The following KYNU variants were observed in gnomAD, a reference collection of about 807,000 sequenced individuals.
The protein encoded by KYNU is L-kynurenine hydrolase.
KYNU carries 54 observed loss-of-function variants against 59.2 expected under a neutral mutation model. The ratio of observed to expected loss-of-function variants is 0.91; its 90% CI spans 0.73 to 1.14. The LOEUF is 1.14. Among genes scored for constraint, KYNU ranks in the 50% most tolerant of loss-of-function variants. The pLI is 0.00. For missense variants in KYNU, 567 were observed against 554.4 expected (o/e 1.02, Z -0.23); for synonymous variants, 177 against 192.0 (o/e 0.92, Z 0.65).
At position 143,051,595 on chromosome 2, in the gene KYNU, C is replaced by G. The variant is rs978171286; in HGVS notation, c.*9423C>G. The G allele has an allele frequency of 6.6e-6, 1 of 152,068 alleles. No individual in the cohort carries two copies. The highest frequency in any genetic ancestry group is 2.4e-5 in the African/African-American group (1 of 41,408). The allele number at this position is 152,068 out of a possible 1,614,324, so 9.4% of individuals were successfully genotyped here. A position where few individuals can be genotyped will look rare whatever the true frequency, so the allele number is the denominator to read the frequency against. ...AATTGAATCATGGGGGCAGGACTTT[C>G]CCATGATGTTCTCATGATAATGAAT... On this transcript the variant is annotated 3_prime_UTR_variant, in exon 14 of 14. Coordinates refer to ENST00000264170, the MANE Select transcript of KYNU (RefSeq NM_003937.3).
intron 4 of KYNU, among the ~76,000 whole-genome samples, chr2:142,941,668 A>AT (rs1413539637): frequency 6.6e-6 from 1 of 152,166 alleles, no homozygotes; most frequent in African/African-American, 2.4e-5. Context: ...AGCCACAGGA[A>AT]TTTAAGAGAT....
intron 10 of KYNU, among the ~76,000 whole-genome samples, chr2:142,987,361 C>T (rs1356985629): frequency 6.6e-6 from 1 of 151,866 alleles, no homozygotes. Flanking sequence ...TAGAGAATGT[C>T]AGTGTTCGGA....
chr2:142,938,311 G>A (rs914376129), intron 4 of KYNU, among the ~76,000 whole-genome samples: 15 of 152,100 alleles, frequency 9.9e-5, no homozygotes, highest in African/African-American at 3.4e-4. Context: ...AAATTTATCC[G>A]AGTATAATTG....
At chr2:142,912,369 TTC>T (rs1377996745) in intron 2 of KYNU, among the ~76,000 whole-genome samples, 197 of 136,010 alleles carry the variant, frequency 1.4e-3, no homozygotes, top group African/African-American at 5.2e-3. Context: ...TCTTTTGTAT[TTC>T]TTTTTTTTTT....
intron 10 of KYNU, chr2:142,989,029 A>G (rs1214761582): frequency 1.4e-6 from 1 of 694,042 alleles, no homozygotes; most frequent in Non-Finnish European, 2.5e-6. Flanking sequence ...CACCTGTGAG[A>G]AGAGTGATAA....
rs1163302368 is a variant in KYNU, at chr2:142,912,703, CTTTT to C, written c.170-5885_170-5882del. Among the ~76,000 whole-genome samples the C allele has an allele frequency of 1.0e-3, 74 of 71,860 alleles. 1 individual carries two copies. Among genetic ancestry groups the C allele is most frequent in the African/African-American group, 4.4e-3 (63 of 14,204 alleles). The allele number at this position is 71,860 out of a possible 152,430, so 47.1% of individuals were successfully genotyped here. A position where few individuals can be genotyped will look rare whatever the true frequency, so the allele number is the denominator to read the frequency against. On this transcript the variant is annotated intron_variant, in intron 2 of 13. Coordinates refer to ENST00000264170, the MANE Select transcript of KYNU (RefSeq NM_003937.3). The stretch of plus-strand genomic sequence containing the variant: ...TGGGATCTTTTGTATTTCTTTCTTC[CTTTT>C]TTTTTTTTTTTTTTTTTTTTGAGAT...
intron 4 of KYNU, among the ~76,000 whole-genome samples, chr2:142,952,668 G>A (rs1461088940): frequency 6.6e-6 from 1 of 151,892 alleles, no homozygotes; most frequent in Non-Finnish European, 1.5e-5. Flanking sequence ...TGAACACTTG[G>A]GTTCAAGCAT....
At chr2:142,956,019 T>G (rs532755391) in intron 5 of KYNU, among the ~76,000 whole-genome samples, 184 bp from the exon 6 acceptor site, 26 of 152,250 alleles carry the variant, frequency 1.7e-4, no homozygotes, top group African/African-American at 5.5e-4. Flanking sequence ...GCCAATATCT[T>G]CTTTCTCTTT....
chr2:142,892,216 A>T (rs1681740653), intron 2 of KYNU, among the ~76,000 whole-genome samples: 1 of 152,202 alleles, frequency 6.6e-6, no homozygotes, highest in Non-Finnish European at 1.5e-5. Flanking sequence ...CCTGGCCAAT[A>T]TTGGGAGCCT....
rs144815318 is a variant in KYNU, at chr2:142,911,936, G to A, written c.170-6673G>A. On this transcript the variant is annotated intron_variant, in intron 2 of 13. Coordinates refer to ENST00000264170, the MANE Select transcript of KYNU (RefSeq NM_003937.3). ...GAAATAACTTTTTCATGTGCTTCTG[G>A]ATTTGGTTTGCTAGTATTTTGTTGA... 7.6e-3 allele frequency among the ~76,000 whole-genome samples: 1,160 copies of A among 152,212 alleles called. 11 individuals carry two copies. Among genetic ancestry groups the A allele is most frequent in the African/African-American group, 0.027 (1,112 of 41,512 alleles).
At chr2:142,936,133 T>C (rs2105036697) in intron 4 of KYNU, among the ~76,000 whole-genome samples, 1 of 152,160 alleles carries the variant, frequency 6.6e-6, no homozygotes, top group African/African-American at 2.4e-5. Flanking sequence ...GTGATCTGGA[T>C]AGCAAGAATG....
At position 143,055,781 on chromosome 2, in the gene KYNU, TTCTC is replaced by T. The variant is rs926396237; in HGVS notation, c.*13613_*13616del. ...AAAACTGGGTGAATAATATGTGGAA[TTCTC>T]TCTATTTTTGTTAATGTTGGAAAAT... On this transcript the variant is annotated 3_prime_UTR_variant, in exon 14 of 14. Coordinates refer to ENST00000264170, the MANE Select transcript of KYNU (RefSeq NM_003937.3). The T allele has an allele frequency of 6.6e-6, 1 of 152,120 alleles. No individual in the cohort carries two copies. Among genetic ancestry groups the T allele is most frequent in the Admixed American group, 6.6e-5 (1 of 15,262 alleles). 9.4% of individuals were successfully genotyped at this position (152,120 alleles called of 1,614,324 possible).
intron 2 of KYNU, among the ~76,000 whole-genome samples, chr2:142,893,030 G>T (rs148693499): frequency 1.3e-5 from 2 of 152,290 alleles, no homozygotes; most frequent in Admixed American, 1.3e-4. Flanking sequence ...CTGCAAAGAA[G>T]ACTGAGTCTA....
intron 8 of KYNU, among the ~76,000 whole-genome samples, chr2:142,967,054 G>C (rs1359845016): frequency 6.6e-6 from 1 of 151,446 alleles, no homozygotes; most frequent in East Asian, 1.9e-4. Flanking sequence ...AAAAAGTTAA[G>C]AGATGGAACT....
Position 142,927,699 on chromosome 2 carries a change from A to G in KYNU, c.331A>G (p.Thr111Ala). The stretch of plus-strand genomic sequence containing the variant: ...TGAAGTGGGGAAGCGTCCTTGGATT[A>G]CAGGAGATGAGAGTATTGTAGGCCT... ...GHEVGKRPWI[T>A]GDESIVGLMK... The change falls in exon 4 of 14, where the codon ACA (threonine) becomes GCA (alanine). Residue 111 changes from threonine (T) to alanine (A), a missense_variant. Transcript: ENST00000264170. The G allele has an allele frequency of 6.2e-7, 1 of 1,613,420 alleles. No homozygotes were observed. Among genetic ancestry groups the G allele is most frequent in the Non-Finnish European group, 8.5e-7 (1 of 1,179,472 alleles).
rs1199910652 is a variant in KYNU at position 143,042,630 on chromosome 2, ATGTG to A, written c.*474_*477del. The A allele has an allele frequency of 8.5e-6, 1 of 118,124 alleles. No homozygotes were observed. The highest frequency in any genetic ancestry group is 4.2e-5 in the African/African-American group (1 of 23,854). The allele number at this position is 118,124 out of a possible 1,614,324, so 7.3% of individuals were successfully genotyped here. A position where few individuals can be genotyped will look rare whatever the true frequency, so the allele number is the denominator to read the frequency against. ...TATATATATATATATATATATATAT[ATGTG>A]TGTGTGTGTGTGTGTATATATATAT... is the stretch of plus-strand genomic sequence containing the variant. On this transcript the variant is annotated 3_prime_UTR_variant, in exon 14 of 14. Coordinates refer to ENST00000264170, the MANE Select transcript of KYNU (RefSeq NM_003937.3).
chr2:143,000,823 T>A (rs533801088), intron 10 of KYNU, among the ~76,000 whole-genome samples: 1 of 152,300 alleles, frequency 6.6e-6, no homozygotes, highest in East Asian at 1.9e-4. Context: ...GGGTGCTTTT[T>A]TTCCTCTGGC....
intron 10 of KYNU, among the ~76,000 whole-genome samples, chr2:143,021,597 C>T (rs551363144): frequency 3.9e-5 from 6 of 152,178 alleles, no homozygotes; most frequent in South Asian, 4.2e-4. Flanking sequence ...AGGCACCTCA[C>T]GTGGCAGGAG....
chr2:142,987,897 G>A (rs930602252), intron 10 of KYNU, among the ~76,000 whole-genome samples: 1 of 151,754 alleles, frequency 6.6e-6, no homozygotes, highest in African/African-American at 2.4e-5. Flanking sequence ...TTAAAAGTGT[G>A]TAGCACCTTC....
Sources: gnomAD v4.1 joint callset for allele counts (sites outside exome capture counted in the v4.1 genomes callset) on GRCh38, gnomAD v4.1.1 for gene constraint, MANE v1.5 for transcripts, NCBI Gene and HGNC (gene_info 2026-07-23, HGNC 2026-07-21) for gene names.